The following AKR1C3 variants were observed in gnomAD, a reference collection of about 807,000 sequenced individuals.
AKR1C3 encodes the protein 3-alpha hydroxysteroid dehydrogenase, type II.
Under a neutral mutation model 43.6 loss-of-function variants are expected in AKR1C3, and 48 were observed. That is an observed-to-expected ratio of 1.10 (90% CI 0.87 to 1.40). AKR1C3 has a LOEUF of 1.40. Among genes scored for constraint, AKR1C3 ranks in the 40% most tolerant of loss-of-function variants. The pLI, the probability that AKR1C3 is intolerant of heterozygous loss-of-function variation, is 0.00. For synonymous variants in AKR1C3, 162 were observed against 139.6 expected (o/e 1.16, Z -1.13); for missense variants, 482 against 391.2 (o/e 1.23, Z -1.96).
intron 1 of AKR1C3, among the ~76,000 whole-genome samples, chr10:5,082,788 A>G (rs372823266): frequency 6.6e-6 from 1 of 152,164 alleles, no homozygotes; most frequent in Non-Finnish European, 1.5e-5. Flanking sequence ...TGATTTTGGT[A>G]TCAGGATGAT....
chr10:5,100,473 G>GT (rs1839319440), intron 5 of AKR1C3, among the ~76,000 whole-genome samples: 1 of 151,992 alleles, frequency 6.6e-6, no homozygotes, highest in African/African-American at 2.4e-5. Context: ...TCTATGCATG[G>GT]TTTTTTCATA....
intron 1 of AKR1C3, among the ~76,000 whole-genome samples, chr10:5,074,848 T>C (rs996136802): frequency 6.6e-6 from 1 of 152,158 alleles, no homozygotes; most frequent in Non-Finnish European, 1.5e-5. Flanking sequence ...CAGACACAAA[T>C]GCATTTCCGA....
rs1454915818 is a variant in AKR1C3, at chr10:5,107,600, TTAAATCCGTC to T, written c.*98_*107del. 8 of 963,984 alleles carry T rather than the reference TTAAATCCGTC, an allele frequency of 8.3e-6. No homozygotes were observed. The Admixed American group carries it at 1.8e-4, about 21-fold the overall frequency. 59.7% of individuals were successfully genotyped at this position (963,984 alleles called of 1,614,324 possible). On this transcript the variant is annotated 3_prime_UTR_variant, in exon 9 of 9. Transcript: ENST00000380554. ...CGGTGACTGGACATATCACCTCTACTTAAATCCGTCCTGTTTAGCGACTTCAGTCAACTAC... is the reference window on the plus strand; with the variant it reads ...CGGTGACTGGACATATCACCTCTACTCTGTTTAGCGACTTCAGTCAACTAC...
chr10:5,094,239 G>T, upstream of AKR1C3: 1 of 373,158 alleles, frequency 2.7e-6, no homozygotes, highest in East Asian at 6.3e-5. Context: ...AATTTACTTA[G>T]GAATTCTCTT....
chr10:5,083,495 G>C (rs1343820981), intron 1 of AKR1C3, among the ~76,000 whole-genome samples: 9 of 152,162 alleles, frequency 5.9e-5, no homozygotes, highest in African/African-American at 1.9e-4. Context: ...CATTTGGGTT[G>C]GTTCCAAGTC....
upstream of AKR1C3, chr10:5,093,845 ATTTCTC>A (rs1839148262): frequency 6.6e-6 from 1 of 152,176 alleles, no homozygotes; most frequent in African/African-American, 2.4e-5. Flanking sequence ...AGAAATGAAT[ATTTCTC>A]TTACAACGCA....
intron 1 of AKR1C3, among the ~76,000 whole-genome samples, chr10:5,087,539 C>A (rs782403386): frequency 5.9e-5 from 9 of 151,664 alleles, no homozygotes; most frequent in Non-Finnish European, 8.8e-5. Context: ...TGCCTGGCTA[C>A]TGTTTTTTGT....
chr10:5,060,331 G>A (rs1278344995), intron 1 of AKR1C3, among the ~76,000 whole-genome samples: 1 of 152,172 alleles, frequency 6.6e-6, no homozygotes, highest in Non-Finnish European at 1.5e-5. Context: ...CCATTTTACA[G>A]AGAGCCGATT....
At chr10:5,101,398 G>C (rs1018051119) in intron 5 of AKR1C3, among the ~76,000 whole-genome samples, 3 of 151,436 alleles carry the variant, frequency 2.0e-5, no homozygotes, top group African/African-American at 7.3e-5. Flanking sequence ...CTATTCTTAC[G>C]TGACATTTTA....
intron 1 of AKR1C3, among the ~76,000 whole-genome samples, chr10:5,078,271 C>T (rs905343185): frequency 6.6e-6 from 1 of 152,048 alleles, no homozygotes; most frequent in Non-Finnish European, 1.5e-5. Flanking sequence ...GGTGAAACCT[C>T]GTCTCTACTG....
At chr10:5,075,561 GT>G (rs1369240321) in intron 1 of AKR1C3, among the ~76,000 whole-genome samples, 21 of 152,016 alleles carry the variant, frequency 1.4e-4, no homozygotes, top group African/African-American at 5.1e-4. Context: ...AAGGGAATTT[GT>G]CATGTGGAAA....
intron 1 of AKR1C3, among the ~76,000 whole-genome samples, chr10:5,076,498 G>C (rs1270909075): frequency 2.6e-5 from 4 of 152,082 alleles, no homozygotes; most frequent in African/African-American, 9.7e-5. Flanking sequence ...ATATTAGCAG[G>C]AAATGGACTA....
intron 1 of AKR1C3, among the ~76,000 whole-genome samples, chr10:5,065,420 T>G (rs1011912454): frequency 6.6e-6 from 1 of 152,146 alleles, no homozygotes; most frequent in Non-Finnish European, 1.5e-5. Context: ...ATATACCACA[T>G]TTTAACCTCC....
rs183997085 is a variant in AKR1C3 at position 5,079,135 on chromosome 10, T to C, written c.85-17275T>C. ...TGCCAGGTGGTTGGAAATAGGCACA[T>C]AAAATGGAGCTATTTGTTTTAAAAT... On this transcript the variant is annotated intron_variant, in intron 1 of 8. Transcript: ENST00000439082. Among the ~76,000 whole-genome samples the C allele has an allele frequency of 4.1e-3, 628 of 152,256 alleles. 2 individuals are homozygous for C. Among genetic ancestry groups the C allele is most frequent in the Non-Finnish European group, 6.8e-3 (464 of 68,016 alleles).
chr10:5,049,338 T>C (rs956941700), intron 1 of AKR1C3, among the ~76,000 whole-genome samples: 1 of 152,192 alleles, frequency 6.6e-6, no homozygotes, highest in Non-Finnish European at 1.5e-5. Flanking sequence ...ATGAAATATG[T>C]TGGGAGAGTA....
chr10:5,071,534 T>TC (rs1367278204), intron 1 of AKR1C3, among the ~76,000 whole-genome samples: 1 of 152,152 alleles, frequency 6.6e-6, no homozygotes, highest in Non-Finnish European at 1.5e-5. Flanking sequence ...GAACAGACTT[T>TC]CCCCAGGCTC....
chr10:5,077,959 A>G, intron 1 of AKR1C3: 1 of 675,478 alleles, frequency 1.5e-6, no homozygotes. Flanking sequence ...ACTGTTCAAG[A>G]AGGATGCAAA....
chr10:5,094,520 C>A lies in AKR1C3; in HGVS notation c.76C>A (p.Pro26Thr). 1 of 1,612,686 alleles carries A rather than the reference C, an allele frequency of 6.2e-7. No homozygotes were observed. Among genetic ancestry groups the A allele is most frequent in the Non-Finnish European group, 8.5e-7 (1 of 1,178,910 alleles). The change falls in exon 1 of 9, where the codon CCT becomes ACT. Residue 26 changes from proline to threonine, a missense_variant. By Grantham distance (38) the Pro-to-Thr change is conservative. Transcript: ENST00000380554. Reference sequence around the variant, plus strand: ...TGTATTGGGATTTGGCACCTATGCACCTCCAGAGGTAAGAATAATTCCTTT... The same window carrying A: ...TGTATTGGGATTTGGCACCTATGCAACTCCAGAGGTAAGAATAATTCCTTT... ...MPVLGFGTYA[P>T]PEVPRSKALE...
chr10:5,092,343 T>A (rs183556662), upstream of AKR1C3, among the ~76,000 whole-genome samples: 282 of 152,172 alleles, frequency 1.9e-3, 1 homozygote, highest in African/African-American at 6.5e-3. Flanking sequence ...ATTTGAGAAC[T>A]TTTTGATGAT....
Sources: gnomAD v4.1 joint callset for allele counts (sites outside exome capture counted in the v4.1 genomes callset) on GRCh38, gnomAD v4.1.1 for gene constraint, MANE v1.5 for transcripts, NCBI Gene and HGNC (gene_info 2026-07-23, HGNC 2026-07-21) for gene names.